Variants in GHRHR observed in about 807,000 individuals in gnomAD.
GHRHR encodes growth hormone-releasing hormone receptor.
Under a neutral mutation model 58.3 loss-of-function variants are expected in GHRHR, and 40 were observed. The observed-to-expected ratio is 0.69, with a 90% CI of 0.53 to 0.89. GHRHR has a LOEUF of 0.89. Among genes scored for constraint, GHRHR ranks in the 40% least tolerant of loss-of-function variants. The pLI is 0.00. For synonymous variants in GHRHR, 249 were observed against 216.6 expected, an observed-to-expected ratio of 1.15 and a Z score of -1.31; for missense variants, 551 against 541.3, an observed-to-expected ratio of 1.02 and a Z score of -0.18.
intron 10 of GHRHR, 34 bp from the exon 11 acceptor site, chr7:30,976,393 CCA>C: frequency 1.2e-6 from 2 of 1,604,510 alleles, no homozygotes; most frequent in Non-Finnish European, 1.7e-6. Flanking sequence ...GTTTCTAATC[CCA>C]GTCTTGGGAG....
At chr7:30,972,131 G>C in intron 6 of GHRHR, 36 bp downstream of exon 6, 1 of 1,610,896 alleles carries the variant, frequency 6.2e-7, no homozygotes, top group Non-Finnish European at 8.5e-7. Context: ...GGCAGGTGGG[G>C]GAGAGAGGAG....
intron 8 of GHRHR, 125 bp from the exon 9 acceptor site, chr7:30,974,846 G>T (rs1031100219): frequency 2.9e-5 from 23 of 781,282 alleles, no homozygotes; most frequent in Non-Finnish European, 4.9e-5. Context: ...AACTGGCTGA[G>T]ACAGGAGAAA....
In GHRHR at chr7:30,979,202, G is replaced by A. The variant is rs752346076; in HGVS notation, c.1230G>A (p.Thr410=). The part of the protein sequence containing the change: ...PAWRTRAKWT[T]PSRSAAKVLT... ...GGAGGACCCGTGCTAAGTGGACCACGCCTTCCCGCTCGGCGGCAAAGGTGC... is the reference window on the plus strand; with the variant it reads ...GGAGGACCCGTGCTAAGTGGACCACACCTTCCCGCTCGGCGGCAAAGGTGC... The change falls in exon 13 of 13, where the codon ACG becomes ACA. Residue 410 remains threonine, a synonymous_variant. Coordinates refer to ENST00000326139, the MANE Select transcript of GHRHR (RefSeq NM_000823.4). 5 of 1,613,858 alleles carry A rather than the reference G, an allele frequency of 3.1e-6. No homozygotes were observed. In the South Asian group the frequency reaches 4.4e-5, roughly 14 times the overall value.
At chr7:30,976,405 G>T in intron 10 of GHRHR, 24 bp from the exon 11 acceptor site, 2 of 1,610,706 alleles carry the variant, frequency 1.2e-6, no homozygotes, top group Non-Finnish European at 1.7e-6. Flanking sequence ...AGTCTTGGGA[G>T]CCTAGGATTT....
intron 6 of GHRHR, among the ~76,000 whole-genome samples, chr7:30,972,921 G>C (rs1792505595): frequency 6.6e-6 from 1 of 152,222 alleles, no homozygotes; most frequent in Admixed American, 6.5e-5. Flanking sequence ...CTTTACATAT[G>C]TAGTTGTCCC....
rs121918118 is a variant in GHRHR at position 30,971,183 on chromosome 7, T to A, written c.431T>A (p.Leu144His). The change falls in exon 5 of 13, where the codon CTC becomes CAC. Residue 144 changes from leucine to histidine, a missense_variant. By Grantham distance (99) the Leu-to-His change is moderately conservative. Transcript: ENST00000326139. The part of the protein sequence containing the change: ...TVGHSISIVA[L>H]FVAITILVAL... The stretch of plus-strand genomic sequence containing the variant: ...GGCCATAGCATCTCTATTGTAGCCC[T>A]CTTCGTGGCCATCACCATCCTGGTT... 83 of 1,523,286 alleles carry A rather than the reference T, an allele frequency of 5.4e-5. No individual in the cohort carries two copies. Among genetic ancestry groups the A allele is most frequent in the Non-Finnish European group, 6.9e-5 (77 of 1,117,826 alleles). 94.4% of individuals were successfully genotyped at this position (1,523,286 alleles called of 1,614,324 possible).
At chr7:30,964,696 AG>A (rs1397715299) in intron 1 of GHRHR, among the ~76,000 whole-genome samples, 1 of 152,128 alleles carries the variant, frequency 6.6e-6, no homozygotes, top group African/African-American at 2.4e-5. Flanking sequence ...TCCAGCACTT[AG>A]GGGATCCATC....
At chr7:30,969,221 A>G in intron 3 of GHRHR, 51 bp downstream of exon 3, 1 of 1,238,634 alleles carries the variant, frequency 8.1e-7, no homozygotes, top group East Asian at 2.5e-5. Context: ...TTCATCTGGA[A>G]GTGGCAGAAT....
At chr7:30,974,820 C>G in intron 8 of GHRHR, 151 bp from the exon 9 acceptor site, 2 of 742,082 alleles carry the variant, frequency 2.7e-6, no homozygotes, top group South Asian at 2.9e-5. Flanking sequence ...TGGGGTGCCC[C>G]TTTGGGTGAG....
chr7:30,968,783 C>A, intron 1 of GHRHR, 51 bp from the exon 2 acceptor site: 1 of 1,260,882 alleles, frequency 7.9e-7, no homozygotes, highest in Non-Finnish European at 1.2e-6. Context: ...ACCACAGAGC[C>A]CAGAAAGACA....
chr7:30,967,743 C>G (rs779136497), intron 1 of GHRHR, among the ~76,000 whole-genome samples: 4 of 151,994 alleles, frequency 2.6e-5, no homozygotes, highest in Non-Finnish European at 5.9e-5. Context: ...CAGCCTTCAC[C>G]TCATTCATGT....
At chr7:30,968,196 C>A (rs765769239) in intron 1 of GHRHR, among the ~76,000 whole-genome samples, 1 of 152,112 alleles carries the variant, frequency 6.6e-6, no homozygotes, top group Non-Finnish European at 1.5e-5. Flanking sequence ...GTCCTTTTGC[C>A]GTTTAAGGTA....
chr7:30,971,307 A>T, intron 5 of GHRHR, 91 bp downstream of exon 5: 1 of 719,068 alleles, frequency 1.4e-6, no homozygotes, highest in South Asian at 1.5e-5. Flanking sequence ...ATAGCCATGA[A>T]CTTCCCAGAT....
chr7:30,976,459 C>T lies in GHRHR; in HGVS notation c.1005C>T (p.Ile335=), dbSNP rs1437784055. 1.9e-6 allele frequency: 3 copies of T among 1,613,042 alleles called. No individual in the cohort carries two copies. The highest frequency in any genetic ancestry group is 8.5e-7 in the Non-Finnish European group (1 of 1,179,224). ...TCTCCAAGTCGACACTTTTCCTGAT[C>T]CCACTCTTTGGAATTCACTACATCA... ...WRLSKSTLFL[I]PLFGIHYIIF... is the part of the protein sequence containing the mutation. Residue 335 remains isoleucine (I), a synonymous_variant, in exon 11 of 13, where the codon ATC becomes ATT. Coordinates refer to ENST00000326139, the MANE Select transcript of GHRHR (RefSeq NM_000823.4).
intron 6 of GHRHR, among the ~76,000 whole-genome samples, chr7:30,972,718 T>A (rs1189547061): frequency 6.6e-6 from 1 of 152,022 alleles, no homozygotes; most frequent in Admixed American, 6.5e-5. Flanking sequence ...GTGGAGACAA[T>A]AAGAGGCAAT....
chr7:30,973,970 G>C lies in GHRHR; in HGVS notation c.598-15G>C. The C allele has an allele frequency of 1.9e-6, 3 of 1,612,876 alleles. No individual in the cohort carries two copies. The highest frequency in any genetic ancestry group is 2.5e-6 in the Non-Finnish European group (3 of 1,179,864). Reference sequence around the variant, plus strand: ...GGGTGTCCCAGCTCTGAAGCACCCAGGTCCTGGCCCCCAGGTTCTATGCAA... The same window carrying C: ...GGGTGTCCCAGCTCTGAAGCACCCACGTCCTGGCCCCCAGGTTCTATGCAA... On this transcript the variant is annotated splice_polypyrimidine_tract_variant and intron_variant, in intron 6 of 12. Coordinates refer to ENST00000326139, the MANE Select transcript of GHRHR (RefSeq NM_000823.4).
intron 1 of GHRHR, among the ~76,000 whole-genome samples, chr7:30,964,388 G>A (rs910491398): frequency 1.8e-5 from 2 of 110,850 alleles, no homozygotes; most frequent in Non-Finnish European, 3.6e-5. Context: ...TCACCTTCTT[G>A]TTGCTTCCCC....
At chr7:30,975,148 C>A in intron 9 of GHRHR, 108 bp downstream of exon 9, 1 of 815,718 alleles carries the variant, frequency 1.2e-6, no homozygotes, top group Non-Finnish European at 2.2e-6. Flanking sequence ...GTCTTGAAAA[C>A]TGGGCTCCAG....
intron 1 of GHRHR, among the ~76,000 whole-genome samples, chr7:30,966,729 G>A (rs369398584): frequency 2.0e-5 from 3 of 151,902 alleles, no homozygotes; most frequent in Admixed American, 1.3e-4. Flanking sequence ...TGTAACCTCC[G>A]CCTCCTGGGT....
Sources: gnomAD v4.1 joint callset for allele counts (sites outside exome capture counted in the v4.1 genomes callset) on GRCh38, gnomAD v4.1.1 for gene constraint, MANE v1.5 for transcripts, NCBI Gene and HGNC (gene_info 2026-07-23, HGNC 2026-07-21) for gene names.